CADM2: variants seen among roughly 807,000 people sequenced by gnomAD.
CADM2 encodes the protein immunoglobulin superfamily member 4D.
Under a neutral mutation model 49.8 loss-of-function variants are expected in CADM2, and 12 were observed. The ratio of observed to expected loss-of-function variants is 0.24; its 90% CI spans 0.15 to 0.39. CADM2 has a LOEUF of 0.39. CADM2 is among the 10% of genes least tolerant of loss of function. The probability of loss-of-function intolerance (pLI) is 1.00; values close to 1 mark genes in which losing one functional copy is unlikely to be tolerated. For missense variants in CADM2, 378 were observed against 492.3 expected (o/e 0.77, Z 2.20); for synonymous variants, 214 against 175.4 (o/e 1.22, Z -1.74).
At chr3:85,788,539 TAATC>T (rs1304100883) in intron 2 of CADM2, among the ~76,000 whole-genome samples, 1 of 152,066 alleles carries the variant, frequency 6.6e-6, no homozygotes, top group African/African-American at 2.4e-5. Flanking sequence ...ATTTAGATAA[TAATC>T]AATATAATTT....
At chr3:85,564,177 CT>C (rs2107195510) in intron 1 of CADM2, among the ~76,000 whole-genome samples, 1 of 42,144 alleles carries the variant, frequency 2.4e-5, no homozygotes, top group Non-Finnish European at 1.0e-4. Flanking sequence ...TTCTCTCTCT[CT>C]CTCTCTCTCT....
chr3:85,437,860 T>A (rs2037004937), intron 1 of CADM2, among the ~76,000 whole-genome samples: 1 of 151,966 alleles, frequency 6.6e-6, no homozygotes, highest in South Asian at 2.1e-4. Context: ...TTGTTATAAG[T>A]CACATATTGG....
At chr3:85,846,281 A>G (rs2074875988) in intron 3 of CADM2, among the ~76,000 whole-genome samples, 1 of 152,216 alleles carries the variant, frequency 6.6e-6, no homozygotes, top group Non-Finnish European at 1.5e-5. Context: ...TACTTAATTT[A>G]GAAAAGCTAA....
chr3:85,935,905 C>A, intron 7 of CADM2, 48 bp downstream of exon 7: 1 of 1,156,940 alleles, frequency 8.6e-7, no homozygotes, highest in Non-Finnish European at 1.3e-6. Context: ...TTTCTTTTAT[C>A]TTGCTTTGAT....
At chr3:85,840,745 T>G (rs1008381399) in intron 3 of CADM2, among the ~76,000 whole-genome samples, 7 of 151,904 alleles carry the variant, frequency 4.6e-5, no homozygotes, top group African/African-American at 1.7e-4. Context: ...ATTAATGCAA[T>G]TTTAACATGC....
At chr3:85,188,812 A>G (rs1056618633) in intron 1 of CADM2, among the ~76,000 whole-genome samples, 79 of 152,070 alleles carry the variant, frequency 5.2e-4, no homozygotes, top group Non-Finnish European at 7.8e-4. Flanking sequence ...TGGGCGGATC[A>G]CGAGGTCAGG....
intron 1 of CADM2, among the ~76,000 whole-genome samples, chr3:85,043,157 A>G (rs532876449): frequency 1.3e-5 from 2 of 152,166 alleles, no homozygotes; most frequent in South Asian, 4.1e-4. Context: ...TGCAACATCA[A>G]TTCCAAGTCT....
At chr3:85,615,611 C>A (rs2063782578) in intron 1 of CADM2, among the ~76,000 whole-genome samples, 1 of 150,652 alleles carries the variant, frequency 6.6e-6, no homozygotes, top group African/African-American at 2.4e-5. Context: ...TTCCTTATTT[C>A]TTTTATTAGG....
At chr3:85,371,365 C>A (rs2033211852) in intron 1 of CADM2, among the ~76,000 whole-genome samples, 2 of 151,960 alleles carry the variant, frequency 1.3e-5, no homozygotes, top group African/African-American at 2.4e-5. Context: ...TGTACCTCTT[C>A]TATGTTTACA....
Position 85,685,276 on chromosome 3 carries a change from C to T in CADM2, c.62-41246C>T, listed in dbSNP as rs559058600. 3.3e-5 allele frequency among the ~76,000 whole-genome samples: 5 copies of T among 152,268 alleles called. No individual in the cohort carries two copies. The South Asian group carries it at 8.3e-4, about 25-fold the overall frequency. On this transcript the variant is annotated intron_variant, in intron 1 of 9. Transcript: ENST00000383699. ...TGTCACAGATGCCAGGTAGGCATGT[C>T]CCCTTGGTCCTTCATACTCTTCTCC...
rs193080072 is a variant in CADM2, at chr3:85,813,246, C to A, written c.238+11050C>A. On this transcript the variant is annotated intron_variant, in intron 3 of 9. Transcript: ENST00000383699. ...GACTTTTGAATGATTGCCATTCTAA[C>A]TGGTGTGTGATGGTATCTCACTGTG... Among the ~76,000 whole-genome samples, 135 of 152,296 alleles carry A rather than the reference C, an allele frequency of 8.9e-4. 1 individual carries two copies. The highest frequency in any genetic ancestry group is 3.1e-3 in the African/African-American group (128 of 41,568).
intron 1 of CADM2, among the ~76,000 whole-genome samples, chr3:85,048,140 C>T (rs1334089032): frequency 2.0e-5 from 3 of 151,336 alleles, no homozygotes; most frequent in Non-Finnish European, 2.9e-5. Context: ...AGTGCCAAGA[C>T]GATGTATGGA....
intron 7 of CADM2, among the ~76,000 whole-genome samples, chr3:85,943,054 G>A (rs11719943): frequency 0.31 from 47,318 of 151,866 alleles, 8,614 homozygotes; most frequent in East Asian, 0.42. Context: ...GTATCTCATT[G>A]TAGTTTTGAT....
chr3:85,830,442 G>T (rs990144867), intron 3 of CADM2, among the ~76,000 whole-genome samples: 4 of 151,826 alleles, frequency 2.6e-5, no homozygotes. Context: ...TCACATAAAT[G>T]GTCTTCAAAT....
rs567804328 is a variant in CADM2, at chr3:85,127,612, G to A, written c.61+167944G>A. ...TTCTACCTGGAGAAAATCAAACAAT[G>A]CTTTTTCCTTTTAAAATTTCTTATG... On this transcript the variant is annotated intron_variant, in intron 1 of 9. Coordinates refer to ENST00000383699, the MANE Select transcript of CADM2 (RefSeq NM_001167675.2). 4.3e-4 allele frequency among the ~76,000 whole-genome samples: 65 copies of A among 152,248 alleles called. No individual in the cohort carries two copies. In the Middle Eastern group the frequency reaches 0.014, roughly 32 times the overall value.
intron 3 of CADM2, among the ~76,000 whole-genome samples, chr3:85,814,808 G>A (rs187184780): frequency 2.4e-4 from 37 of 151,450 alleles, no homozygotes; most frequent in African/African-American, 6.5e-4. Context: ...ATATCCTATA[G>A]TGTTCTATAG....
In CADM2 at chr3:85,147,039, G is replaced by A. The variant is rs549803434; in HGVS notation, c.61+187371G>A. Among the ~76,000 whole-genome samples the A allele has an allele frequency of 3.3e-5, 5 of 152,092 alleles. No individual in the cohort carries two copies. In the East Asian group the frequency reaches 9.7e-4, roughly 29 times the overall value. ...TGTAACCCCAGCACTTTGGGAGGCC[G>A]ACACGGGCGGATCACCTGAGGTCAG... On this transcript the variant is annotated intron_variant, in intron 1 of 9. Transcript: ENST00000383699.
chr3:85,069,715 A>G (rs1005095672), intron 1 of CADM2, among the ~76,000 whole-genome samples: 1 of 152,166 alleles, frequency 6.6e-6, no homozygotes. Flanking sequence ...ATTATCTTTG[A>G]TAAAAAATGC....
At chr3:84,988,758 T>G (rs1221680606) in intron 1 of CADM2, among the ~76,000 whole-genome samples, 1 of 152,192 alleles carries the variant, frequency 6.6e-6, no homozygotes, top group Non-Finnish European at 1.5e-5. Context: ...TTTTTCATCC[T>G]ATCTTCAACT....
Sources: allele counts gnomAD v4.1 joint callset (sites outside exome capture counted in the v4.1 genomes callset), GRCh38; gene constraint gnomAD v4.1.1; transcripts MANE v1.5; gene names NCBI Gene and HGNC (gene_info 2026-07-23, HGNC 2026-07-21).